SLC35F4: variants seen among roughly 807,000 people sequenced by gnomAD.
SLC35F4 encodes the protein solute carrier family 35 member F4.
Under a neutral mutation model 44.2 loss-of-function variants are expected in SLC35F4, and 24 were observed. The observed-to-expected ratio is 0.54, with a 90% CI of 0.39 to 0.76. SLC35F4 has a LOEUF of 0.76. SLC35F4 is among the 30% of genes least tolerant of loss of function. SLC35F4 has a pLI of 0.00. For missense variants in SLC35F4, 562 were observed against 586.1 expected (o/e 0.96, Z 0.42); for synonymous variants, 238 against 223.6 (o/e 1.06, Z -0.57).
chr14:57,976,144 GT>G (rs1881208056), downstream of SLC35F4, among the ~76,000 whole-genome samples: 1 of 152,202 alleles, frequency 6.6e-6, no homozygotes, highest in African/African-American at 2.4e-5. Context: ...GGAAGGTTAG[GT>G]CTGCTTAGGA....
chr14:57,706,261 T>C (rs1042968943), intron 1 of SLC35F4, among the ~76,000 whole-genome samples: 3 of 152,190 alleles, frequency 2.0e-5, no homozygotes, highest in African/African-American at 7.2e-5. Flanking sequence ...AATGACATCA[T>C]TGTCCTAGAT....
At chr14:57,608,602 T>G (rs2071301044) in intron 1 of SLC35F4, among the ~76,000 whole-genome samples, 1 of 152,110 alleles carries the variant, frequency 6.6e-6, no homozygotes, top group Non-Finnish European at 1.5e-5. Context: ...TTTCTGTTGT[T>G]TCAGCCACCA....
intron 1 of SLC35F4, among the ~76,000 whole-genome samples, chr14:57,789,217 T>G (rs567065321): frequency 4.6e-5 from 7 of 152,202 alleles, no homozygotes; most frequent in African/African-American, 1.7e-4. Flanking sequence ...AGGAGCTGGT[T>G]TTTTGAAAAG....
chr14:57,815,914 G>A (rs1282313087), intron 1 of SLC35F4, among the ~76,000 whole-genome samples: 1 of 152,150 alleles, frequency 6.6e-6, no homozygotes. Flanking sequence ...TAAAGAAAAA[G>A]TCTGTTGGAA....
intron 2 of SLC35F4, among the ~76,000 whole-genome samples, chr14:57,590,397 A>G (rs1185990123): frequency 6.6e-6 from 1 of 151,936 alleles, no homozygotes; most frequent in Non-Finnish European, 1.5e-5. Flanking sequence ...AGTCTCTAAA[A>G]AAAATGCAAC....
intron 1 of SLC35F4, among the ~76,000 whole-genome samples, chr14:57,599,033 T>C (rs1205520400): frequency 6.6e-6 from 1 of 152,226 alleles, no homozygotes; most frequent in East Asian, 1.9e-4. Flanking sequence ...GACCTCACTT[T>C]GTTCACATTC....
At chr14:57,923,004 T>C (rs1889471694) in intron 1 of SLC35F4, among the ~76,000 whole-genome samples, 1 of 152,214 alleles carries the variant, frequency 6.6e-6, no homozygotes, top group East Asian at 1.9e-4. Flanking sequence ...TTATATGCTT[T>C]ATGATATCTC....
intron 1 of SLC35F4, among the ~76,000 whole-genome samples, chr14:57,955,541 CCAT>C (rs897715528): frequency 1.3e-5 from 2 of 152,158 alleles, no homozygotes; most frequent in African/African-American, 4.8e-5. Flanking sequence ...TTAGAAAACC[CCAT>C]CAACTCAGCC....
At chr14:57,975,299 C>T (rs1186855048), downstream of SLC35F4, among the ~76,000 whole-genome samples, 1 of 152,210 alleles carries the variant, frequency 6.6e-6, no homozygotes, top group Non-Finnish European at 1.5e-5. Context: ...CCAAACCCTA[C>T]CTCTTTTAGT....
At chr14:57,795,746 T>G (rs1250587533) in intron 1 of SLC35F4, among the ~76,000 whole-genome samples, 1 of 152,206 alleles carries the variant, frequency 6.6e-6, no homozygotes, top group Non-Finnish European at 1.5e-5. Context: ...ATTTATATGA[T>G]GAACTTACGA....
chr14:57,578,436 C>T lies in SLC35F4; in HGVS notation c.807+2778G>A, dbSNP rs147406936. Among the ~76,000 whole-genome samples the T allele has an allele frequency of 4.3e-3, 560 of 130,184 alleles. 3 individuals carry two copies. The highest frequency in any genetic ancestry group is 5.5e-3 in the Admixed American group (60 of 10,902). The allele number at this position is 130,184 out of a possible 152,430, so 85.4% of individuals were successfully genotyped here. A position where few individuals can be genotyped will look rare whatever the true frequency, so the allele number is the denominator to read the frequency against. On this transcript the variant is annotated intron_variant, in intron 4 of 7. Coordinates refer to ENST00000556826, the MANE Select transcript of SLC35F4 (RefSeq NM_001306087.2). ...TTATAGATGTGGGCAATAAGAGCTA[C>T]ATTTATGTTGTCAGTGCTGTTTGCC...
At chr14:57,715,972 C>T (rs10134742) in intron 1 of SLC35F4, among the ~76,000 whole-genome samples, 2,591 of 59,668 alleles carry the variant, frequency 0.043, 167 homozygotes, top group East Asian at 0.076. Context: ...TATGCCAAGA[C>T]GTAATATAAA....
intron 1 of SLC35F4, among the ~76,000 whole-genome samples, chr14:57,645,261 T>C (rs112618390): frequency 1.2e-4 from 18 of 152,352 alleles, no homozygotes; most frequent in Middle Eastern, 3.4e-3. Context: ...GAGCATGGAA[T>C]GTTCTTCCTT....
intron 1 of SLC35F4, among the ~76,000 whole-genome samples, chr14:57,897,265 C>T (rs1888893329): frequency 6.6e-6 from 1 of 151,992 alleles, no homozygotes; most frequent in Admixed American, 6.6e-5. Context: ...GGTTAAAGCT[C>T]CTTAGCATTG....
At chr14:57,630,443 C>T (rs181719450) in intron 1 of SLC35F4, 131 of 736,874 alleles carry the variant, frequency 1.8e-4, no homozygotes, top group Admixed American at 1.3e-3. Context: ...TTCAAGATCA[C>T]GGTCCAAGTC....
rs761486130 is a variant in SLC35F4 at position 57,581,359 on chromosome 14, A to G, written c.662T>C (p.Ile221Thr). ...LFLKRTAPFS[I>T]LWTLTNYLYL... ...AAGGTAATTAGTCAAAGTCCATAGA[A>G]TAGAAAAGGGAGCAGTTCTTTTAAG... Residue 221 changes from isoleucine (I) to threonine (T), a missense_variant, in exon 4 of 8, where the codon ATT (isoleucine) becomes ACT (threonine). Physicochemically the swap from Ile to Thr is moderately conservative, Grantham distance 89. Transcript: ENST00000556826. 1 of 1,613,514 alleles carries G rather than the reference A, an allele frequency of 6.2e-7. No individual in the cohort carries two copies. Among genetic ancestry groups the G allele is most frequent in the South Asian group, 1.1e-5 (1 of 90,896 alleles).
At chr14:57,868,713 G>A (rs1008244484), upstream of SLC35F4, among the ~76,000 whole-genome samples, 1 of 152,048 alleles carries the variant, frequency 6.6e-6, no homozygotes, top group Admixed American at 6.5e-5. Context: ...CCTGACCTCA[G>A]GTGATTCACC....
At chr14:57,875,198 G>A (rs1328873287) in intron 1 of SLC35F4, among the ~76,000 whole-genome samples, 2 of 152,124 alleles carry the variant, frequency 1.3e-5, no homozygotes, top group Non-Finnish European at 2.9e-5. Context: ...CAGGAGACTT[G>A]TTTACTTGTT....
intron 1 of SLC35F4, among the ~76,000 whole-genome samples, chr14:57,925,533 G>A (rs946265915): frequency 1.9e-5 from 2 of 106,940 alleles, no homozygotes; most frequent in Non-Finnish European, 4.2e-5. Flanking sequence ...GAGGGAGGGA[G>A]GGAGGGAGGG....
Sources: allele counts gnomAD v4.1 joint callset (sites outside exome capture counted in the v4.1 genomes callset), GRCh38; gene constraint gnomAD v4.1.1; transcripts MANE v1.5; gene names NCBI Gene and HGNC (gene_info 2026-07-23, HGNC 2026-07-21).